Variants in MYBPC2 observed in about 807,000 individuals in gnomAD.
MYBPC2 encodes the protein myosin-binding protein C, fast-type.
In MYBPC2, 122 loss-of-function variants were observed where a neutral mutation model predicts 137.0. That is an observed-to-expected ratio of 0.89 (90% CI 0.77 to 1.03). The LOEUF is 1.03. Ranked by LOEUF, MYBPC2 falls within the 50% of genes least tolerant of loss-of-function variation. The pLI is 0.00. For missense variants in MYBPC2, 1,500 were observed against 1,534.4 expected, an observed-to-expected ratio of 0.98 and a Z score of 0.37; for synonymous variants, 626 against 612.3, an observed-to-expected ratio of 1.02 and a Z score of -0.33.
At chr19:50,451,438 G>T in intron 15 of MYBPC2, 129 bp downstream of exon 15, 1 of 545,982 alleles carries the variant, frequency 1.8e-6, no homozygotes, top group Non-Finnish European at 3.1e-6. Flanking sequence ...GATGAGTGGG[G>T]AGAGGAAGGA....
rs182376439 is a variant in MYBPC2, at chr19:50,435,855, G to A, written c.189G>A (p.Val63=). 498 of 1,592,970 alleles carry A rather than the reference G, an allele frequency of 3.1e-4. 2 individuals are homozygous for A. The highest frequency in any genetic ancestry group is 2.4e-3 in the East Asian group (105 of 43,960). ...TGAAGAAGCCGGACTCCGTCTCAGT[G>A]GAGACTGGTGAGGGGAACCCGGGGG... ...VFLKKPDSVS[V]ETGKDAVVVA... is the part of the protein sequence containing the mutation. The change falls in exon 3 of 28, where the codon GTG becomes GTA. Residue 63 remains valine (V), a synonymous_variant. Coordinates refer to ENST00000357701, the MANE Select transcript of MYBPC2 (RefSeq NM_004533.4). The surrounding 1 kb of genome is among the most constrained non-coding windows in gnomAD (Gnocchi z 4.8).
Position 50,436,120 on chromosome 19 carries a change from C to T in MYBPC2, c.305C>T (p.Ala102Val), listed in dbSNP as rs747737851. The T allele has an allele frequency of 2.3e-5, 36 of 1,580,844 alleles. No individual in the cohort carries two copies. The East Asian group carries it at 5.1e-4, about 22-fold the overall frequency. ...CTGGAGCTGGGCAGCAAGAGTGGCG[C>T]CCGCTTCTCCTTCAAGGAGTCCCAC... is the stretch of plus-strand genomic sequence containing the variant. Reference protein sequence around the residue: ...KWLELGSKSGARFSFKESHNS... With the variant: ...KWLELGSKSGVRFSFKESHNS... Residue 102 changes from alanine (A) to valine (V), a missense_variant, in exon 4 of 28, where the codon GCC becomes GTC. Transcript: ENST00000357701.
At chr19:50,459,384 GGGGTGGGGAAGGAGGTGGGAGATGAA>G in intron 23 of MYBPC2, 78 bp downstream of exon 23, 1 of 1,456,712 alleles carries the variant, frequency 6.9e-7, no homozygotes, top group Non-Finnish European at 9.2e-7. Context: ...TAAGAGATGA[GGGGTGGGGAAGGAGGTGGGAGATGAA>G]GGGTGGGAGA....
Position 50,454,152 on chromosome 19 carries a change from G to A in MYBPC2, c.1882G>A (p.Val628Met), listed in dbSNP as rs747936523. Residue 628 changes from valine (V) to methionine (M), a missense_variant, in exon 17 of 28, where the codon GTG becomes ATG. Val to Met is a conservative substitution (Grantham distance 21). Transcript: ENST00000357701. ...GGTCACCAACCCCGTCGGCGAGGAC[G>A]TGGCTTCCATCTTCCTGCAAGTTGT... ...IKVTNPVGEDVASIFLQVVDV... is the reference protein window; with the variant it reads ...IKVTNPVGEDMASIFLQVVDV... The A allele has an allele frequency of 3.8e-5, 61 of 1,613,682 alleles. No individual in the cohort carries two copies. The Middle Eastern group carries it at 6.6e-4, about 17-fold the overall frequency.
Position 50,436,653 on chromosome 19 carries a change from C to G in MYBPC2, c.382C>G (p.Leu128Val), listed in dbSNP as rs928431098. Residue 128 changes from leucine (L) to valine (V), a missense_variant, in exon 5 of 28, where the codon CTG becomes GTG. Physicochemically the swap from Leu to Val is conservative, Grantham distance 32. Coordinates refer to ENST00000357701, the MANE Select transcript of MYBPC2 (RefSeq NM_004533.4). ...GGAGCTGCACATTGGGAAGGTGGTACTGGGGGACCGTGGGTATTACCGCCT... is the reference window on the plus strand; with the variant it reads ...GGAGCTGCACATTGGGAAGGTGGTAGTGGGGGACCGTGGGTATTACCGCCT... Reference protein sequence around the residue: ...TVELHIGKVVLGDRGYYRLEV... With the variant: ...TVELHIGKVVVGDRGYYRLEV... The G allele has an allele frequency of 6.2e-7, 1 of 1,613,856 alleles. No homozygotes were observed. The highest frequency in any genetic ancestry group is 8.5e-7 in the Non-Finnish European group (1 of 1,179,846).
At chr19:50,439,726 G>A (rs1271523225) in intron 7 of MYBPC2, among the ~76,000 whole-genome samples, 4 of 152,238 alleles carry the variant, frequency 2.6e-5, no homozygotes, top group African/African-American at 9.6e-5. Flanking sequence ...CTGGGTCCCT[G>A]ATGTGAGATC....
intron 8 of MYBPC2, 95 bp downstream of exon 8, chr19:50,441,171 G>T: frequency 7.5e-7 from 1 of 1,335,252 alleles, no homozygotes; most frequent in Non-Finnish European, 9.9e-7. Context: ...ATCTTTTCGA[G>T]GTCCCAATGA....
chr19:50,455,925 C>A (rs1375823765), intron 20 of MYBPC2, among the ~76,000 whole-genome samples: 1 of 152,120 alleles, frequency 6.6e-6, no homozygotes, highest in African/African-American at 2.4e-5. Flanking sequence ...TACCTTTATG[C>A]CTTCTTTCTT....
At chr19:50,452,508 G>C (rs10419376) in intron 16 of MYBPC2, among the ~76,000 whole-genome samples, 59,092 of 113,866 alleles carry the variant, frequency 0.52, 12,409 homozygotes, top group South Asian at 0.6. Flanking sequence ...ATGTATGTAT[G>C]TATCTATCTA....
At chr19:50,452,464 C>G (rs62116067) in intron 16 of MYBPC2, among the ~76,000 whole-genome samples, 5 of 138,494 alleles carry the variant, frequency 3.6e-5, no homozygotes, top group South Asian at 2.4e-4. Context: ...ATCTATGTAT[C>G]TGTGTATGTA....
In MYBPC2 at chr19:50,454,043, G is replaced by A; in HGVS notation, c.1773G>A (p.Arg591=). ...AGGTATTCACGACCACCGAGGGCAG[G>A]ACCCGCATCGAGAAGCGGGTGGACT... ...GDEVFTTTEG[R]TRIEKRVDCS... Residue 591 remains arginine, a synonymous_variant, in exon 17 of 28, where the codon AGG becomes AGA. Coordinates refer to ENST00000357701, the MANE Select transcript of MYBPC2 (RefSeq NM_004533.4). 1.2e-6 allele frequency: 2 copies of A among 1,606,290 alleles called. No homozygotes were observed. The highest frequency in any genetic ancestry group is 1.7e-6 in the Non-Finnish European group (2 of 1,176,698).
chr19:50,437,094 A>T (rs969969227), intron 5 of MYBPC2, among the ~76,000 whole-genome samples: 3 of 152,102 alleles, frequency 2.0e-5, no homozygotes, highest in South Asian at 4.1e-4. Flanking sequence ...CAGGATTAAC[A>T]GGAGGTTACA....
chr19:50,461,900 G>C lies in MYBPC2; in HGVS notation c.3092G>C (p.Gly1031Ala). The change falls in exon 26 of 28, where the codon GGA (glycine) becomes GCA (alanine). Residue 1031 changes from glycine (G) to alanine (A), a missense_variant and splice_region_variant. Transcript: ENST00000357701. ...TTACGGGTGCATCCTCTCTCCCCAG[G>C]AATCACCTTCAAACCGTTCGAGTAT... The part of the protein sequence containing the change: ...SKNTARILKT[G>A]ITFKPFEYKE... The C allele has an allele frequency of 6.3e-7, 1 of 1,595,822 alleles. No homozygotes were observed. Among genetic ancestry groups the C allele is most frequent in the Non-Finnish European group, 8.5e-7 (1 of 1,170,750 alleles).
intron 12 of MYBPC2, among the ~76,000 whole-genome samples, chr19:50,446,956 C>T (rs2039811343): frequency 6.6e-6 from 1 of 150,534 alleles, no homozygotes; most frequent in South Asian, 2.1e-4. Flanking sequence ...CACTGTGCTC[C>T]AGCCTGGGTG....
intron 11 of MYBPC2, among the ~76,000 whole-genome samples, chr19:50,444,193 TCCATCCACTCA>T: frequency 6.9e-6 from 1 of 144,146 alleles, no homozygotes; most frequent in South Asian, 2.2e-4. Flanking sequence ...TGCTTAACCA[TCCATCCACTCA>T]TGCATCCATC....
At chr19:50,436,527 G>C in intron 4 of MYBPC2, 90 bp from the exon 5 acceptor site, 8 of 1,185,146 alleles carry the variant, frequency 6.8e-6, no homozygotes, top group Non-Finnish European at 9.8e-6. Flanking sequence ...GGGTGAGGAC[G>C]TGGAGATAGA....
chr19:50,449,491 A>G (rs1300705344), intron 13 of MYBPC2, among the ~76,000 whole-genome samples: 1 of 152,210 alleles, frequency 6.6e-6, no homozygotes, highest in African/African-American at 2.4e-5. Context: ...GCCCAATGCC[A>G]CTTCCGCCAT....
chr19:50,455,005 C>G (rs569821876), intron 18 of MYBPC2, 103 bp from the exon 19 acceptor site: 1 of 1,094,834 alleles, frequency 9.1e-7, no homozygotes, highest in African/African-American at 1.6e-5. Flanking sequence ...GGCCTCGGAC[C>G]GCCCTGGCCA....
chr19:50,453,929 G>T, intron 16 of MYBPC2, 91 bp from the exon 17 acceptor site: 2 of 1,390,836 alleles, frequency 1.4e-6, no homozygotes, highest in South Asian at 2.7e-5. Context: ...GGGGAATCAT[G>T]GGAGGATTCT....
Sources: allele counts gnomAD v4.1 joint callset (sites outside exome capture counted in the v4.1 genomes callset), GRCh38; gene constraint gnomAD v4.1.1; non-coding constraint Gnocchi (gnomAD v3.1); transcripts MANE v1.5; gene names NCBI Gene and HGNC (gene_info 2026-07-23, HGNC 2026-07-21).